CLIC6: variants seen among roughly 807,000 people sequenced by gnomAD.
CLIC6 encodes chloride intracellular channel protein 6.
Under a neutral mutation model 49.2 loss-of-function variants are expected in CLIC6, and 39 were observed. That is an observed-to-expected ratio of 0.79 (90% confidence interval 0.61 to 1.04). The LOEUF is 1.04. Ranked by LOEUF, CLIC6 falls within the 50% of genes least tolerant of loss-of-function variation. CLIC6 has a pLI of 0.00. For synonymous variants in CLIC6, 446 were observed against 433.4 expected, an observed-to-expected ratio of 1.03 and a Z score of -0.36; for missense variants, 988 against 993.1, an observed-to-expected ratio of 0.99 and a Z score of 0.07.
chr21:34,710,334 C>T (rs921853136), intron 5 of CLIC6, among the ~76,000 whole-genome samples: 2 of 152,188 alleles, frequency 1.3e-5, no homozygotes, highest in East Asian at 1.9e-4. Flanking sequence ...TGACCCTCAA[C>T]ATCCAGGAAG....
rs1187011833 is a variant in CLIC6, at chr21:34,682,833, A to G, written c.1374+12071A>G. Reference sequence around the variant, plus strand: ...TTTTTTTTTTTTTTTTTTTTTTGAGACGGAGTCTCGCTGTGTCTCCCAGGT... The same window carrying G: ...TTTTTTTTTTTTTTTTTTTTTTGAGGCGGAGTCTCGCTGTGTCTCCCAGGT... On this transcript the variant is annotated intron_variant, in intron 1 of 5. Transcript: ENST00000349499. Among the ~76,000 whole-genome samples, 8 of 61,528 alleles carry G rather than the reference A, an allele frequency of 1.3e-4. No homozygotes were observed. The East Asian group carries it at 4.1e-3, about 32-fold the overall frequency. The allele number at this position is 61,528 out of a possible 152,430, so 40.4% of individuals were successfully genotyped here.
intron 5 of CLIC6, among the ~76,000 whole-genome samples, 162 bp downstream of exon 5, chr21:34,709,700 C>T (rs773946128): frequency 6.6e-6 from 1 of 152,228 alleles, no homozygotes; most frequent in South Asian, 2.1e-4. Context: ...AGCTTTCACA[C>T]ACACAGAAGA....
At chr21:34,710,092 G>T (rs1041172252) in intron 5 of CLIC6, among the ~76,000 whole-genome samples, 1 of 151,690 alleles carries the variant, frequency 6.6e-6, no homozygotes, top group African/African-American at 2.4e-5. Context: ...GGGCAACATA[G>T]CGAGACCCCA....
chr21:34,670,314 A>T lies in CLIC6; in HGVS notation c.926A>T (p.Glu309Val). Residue 309 changes from glutamate to valine, a missense_variant, in exon 1 of 6, where the codon GAG (glutamate) becomes GTG (valine). This residue lies in a region of CLIC6 where 647 missense variants were observed against 596.9 expected (regional missense o/e 1.08). Coordinates refer to ENST00000349499, the MANE Select transcript of CLIC6 (RefSeq NM_053277.3). ...GACGGCAGCCTCTCGCCCCAGGCCG[A>T]GGCAATTGAGGTCGCAGCCGGGGAG... The part of the protein sequence containing the change: ...SGDGSLSPQA[E>V]AIEVAAGESA... 1 of 1,444,340 alleles carries T rather than the reference A, an allele frequency of 6.9e-7. No homozygotes were observed. The highest frequency in any genetic ancestry group is 9.1e-7 in the Non-Finnish European group (1 of 1,101,126). 89.5% of individuals were successfully genotyped at this position (1,444,340 alleles called of 1,614,324 possible).
rs1365123290 is a variant in CLIC6, at chr21:34,670,243, G to A, written c.855G>A (p.Pro285=). 2.1e-6 allele frequency: 3 copies of A among 1,427,084 alleles called. No homozygotes were observed. Among genetic ancestry groups the A allele is most frequent in the Non-Finnish European group, 1.8e-6 (2 of 1,097,994 alleles). The allele number at this position is 1,427,084 out of a possible 1,614,324, so 88.4% of individuals were successfully genotyped here. ...PAGDSMDAEG[P]AGRARRVSGE... is the part of the protein sequence containing the mutation. ...GGGACAGCATGGACGCCGAGGGTCC[G>A]GCAGGAAGGGCGCGCCGGGTCTCGG... Residue 285 remains proline (P), a synonymous_variant, in exon 1 of 6, where the codon CCG becomes CCA. Transcript: ENST00000349499.
rs1020163809 is a variant in CLIC6 at position 34,717,483 on chromosome 21, C to G, written c.*1001C>G. 1 of 152,130 alleles carries G rather than the reference C, an allele frequency of 6.6e-6. No individual in the cohort carries two copies. Among genetic ancestry groups the G allele is most frequent in the African/African-American group, 2.4e-5 (1 of 41,400 alleles). 9.4% of individuals were successfully genotyped at this position (152,130 alleles called of 1,614,324 possible). ...TCCAGGGAGATTAAATTCATGGTGACAAGTCCTGGGCAGTTCTGGTAAACG... is the reference window on the plus strand; with the variant it reads ...TCCAGGGAGATTAAATTCATGGTGAGAAGTCCTGGGCAGTTCTGGTAAACG... On this transcript the variant is annotated 3_prime_UTR_variant, in exon 6 of 6. Coordinates refer to ENST00000349499, the MANE Select transcript of CLIC6 (RefSeq NM_053277.3).
In CLIC6 at chr21:34,670,508, C is replaced by T; in HGVS notation, c.1120C>T (p.Arg374Ter). 6.7e-7 allele frequency: 1 copy of T among 1,494,594 alleles called. No homozygotes were observed. Among genetic ancestry groups the T allele is most frequent in the Non-Finnish European group, 8.9e-7 (1 of 1,121,640 alleles). 92.6% of individuals were successfully genotyped at this position (1,494,594 alleles called of 1,614,324 possible). ...GGAGCCGGGGGAGGACGAAGAGAGACGAGAGCGGAGCCCGGAGGGGCCAAG... is the reference window on the plus strand; with the variant it reads ...GGAGCCGGGGGAGGACGAAGAGAGATGAGAGCGGAGCCCGGAGGGGCCAAG... ...QQEPGEDEER[R>*]ERSPEGPREE... Residue 374 changes from arginine (R) to a stop codon, truncating the protein, a stop_gained, in exon 1 of 6, where the codon CGA (arginine) becomes TGA (stop). Coordinates refer to ENST00000349499, the MANE Select transcript of CLIC6 (RefSeq NM_053277.3). LOFTEE classifies it high-confidence loss of function.
chr21:34,703,283 A>C (rs1018915279), intron 1 of CLIC6, among the ~76,000 whole-genome samples: 2 of 152,210 alleles, frequency 1.3e-5, no homozygotes, highest in Non-Finnish European at 2.9e-5. Context: ...AAAAGTGCTT[A>C]CTTGATGGAA....
chr21:34,682,042 G>A (rs559818747), intron 1 of CLIC6, among the ~76,000 whole-genome samples: 2 of 152,312 alleles, frequency 1.3e-5, no homozygotes, highest in South Asian at 4.1e-4. Flanking sequence ...GTATTCTGGT[G>A]ATGTGTATAC....
intron 2 of CLIC6, 114 bp from the exon 3 acceptor site, chr21:34,707,830 C>T (rs2056026161): frequency 9.4e-7 from 1 of 1,066,350 alleles, no homozygotes; most frequent in Non-Finnish European, 1.4e-6. Flanking sequence ...CCACCATCTA[C>T]TTTGCAGTTC....
intron 5 of CLIC6, among the ~76,000 whole-genome samples, chr21:34,710,798 G>A (rs752487758): frequency 2.6e-5 from 4 of 152,030 alleles, no homozygotes; most frequent in African/African-American, 9.7e-5. Context: ...GGGTGACAGA[G>A]CAAGACTCCG....
chr21:34,680,936 G>A (rs1989767111), intron 1 of CLIC6, among the ~76,000 whole-genome samples: 1 of 152,174 alleles, frequency 6.6e-6, no homozygotes, highest in African/African-American at 2.4e-5. Flanking sequence ...CTTCTTCTGA[G>A]CCCTCCAAAC....
chr21:34,682,801 ATTTTTTTTTTTTTTTT>A (rs1172251761), intron 1 of CLIC6, among the ~76,000 whole-genome samples: 1 of 69,272 alleles, frequency 1.4e-5, no homozygotes, highest in African/African-American at 6.5e-5. Context: ...CTTTCCCTCC[ATTTTTTTTTTTTTTTT>A]TTTTTTTTTT....
chr21:34,684,662 A>G (rs1183771329), intron 1 of CLIC6, among the ~76,000 whole-genome samples: 1 of 152,240 alleles, frequency 6.6e-6, no homozygotes, highest in Non-Finnish European at 1.5e-5. Context: ...TACAACTATT[A>G]AAGCTCTATG....
intron 1 of CLIC6, among the ~76,000 whole-genome samples, chr21:34,674,046 T>G (rs1159088335): frequency 2.0e-5 from 3 of 152,238 alleles, no homozygotes; most frequent in Admixed American, 6.5e-5. Flanking sequence ...AGCCTTCATA[T>G]GACAGCTGAG....
At chr21:34,706,598 T>C (rs944901313) in intron 1 of CLIC6, among the ~76,000 whole-genome samples, 2 of 152,158 alleles carry the variant, frequency 1.3e-5, no homozygotes, top group African/African-American at 2.4e-5. Flanking sequence ...TCTGAGACAA[T>C]AGTATCTTCC....
At position 34,716,600 on chromosome 21, in the gene CLIC6, G is replaced by T; in HGVS notation, c.*118G>T. ...TTCAATTTTTAAAAAACTGGTCTCT[G>T]AGAGTTTTTTAAATCATTGAGAGCC... On this transcript the variant is annotated 3_prime_UTR_variant, in exon 6 of 6. Coordinates refer to ENST00000349499, the MANE Select transcript of CLIC6 (RefSeq NM_053277.3). The T allele has an allele frequency of 1.4e-6, 1 of 735,470 alleles. No individual in the cohort carries two copies. The highest frequency in any genetic ancestry group is 2.1e-6 in the Non-Finnish European group (1 of 484,740). 45.6% of individuals were successfully genotyped at this position (735,470 alleles called of 1,614,324 possible). A position where few individuals can be genotyped will look rare whatever the true frequency, so the allele number is the denominator to read the frequency against.
At chr21:34,706,148 G>A in intron 1 of CLIC6, 1 of 609,580 alleles carries the variant, frequency 1.6e-6, no homozygotes, top group Non-Finnish European at 2.9e-6. Context: ...GAAGCATGGT[G>A]CTGGCATCTG....
Position 34,707,315 on chromosome 21 carries a change from G to C in CLIC6, c.1410G>C (p.Pro470=). 6.2e-7 allele frequency: 1 copy of C among 1,614,042 alleles called. No individual in the cohort carries two copies. The highest frequency in any genetic ancestry group is 8.5e-7 in the Non-Finnish European group (1 of 1,179,964). Residue 470 remains proline (P), a synonymous_variant, in exon 2 of 6, where the codon CCG becomes CCC. Transcript: ENST00000349499. ...GYDGESIGNC[P]FSQRLFMILW... is the part of the protein sequence containing the mutation. ...ATGGTGAGAGTATCGGAAATTGCCC[G>C]TTTTCTCAGCGTCTCTTTATGATTC...
Sources: allele counts gnomAD v4.1 joint callset (sites outside exome capture counted in the v4.1 genomes callset), GRCh38; gene constraint gnomAD v4.1.1; regional missense constraint gnomAD v4.1.1; transcripts MANE v1.5; gene names NCBI Gene and HGNC (gene_info 2026-07-23, HGNC 2026-07-21).